The following UNC5C variants were observed in gnomAD, a reference collection of about 807,000 sequenced individuals.
UNC5C encodes the protein netrin receptor UNC5C.
In UNC5C, 47 loss-of-function variants were observed where a neutral mutation model predicts 99.8. That is an observed-to-expected ratio of 0.47 (90% CI 0.37 to 0.60). The LOEUF (loss-of-function observed/expected upper bound fraction) is 0.60, where lower values mean the gene tolerates loss of function less well. UNC5C is among the 20% of genes least tolerant of loss of function. The pLI is 0.00. For missense variants in UNC5C, 1,062 were observed against 1,165.9 expected (o/e 0.91, Z 1.30); for synonymous variants, 487 against 452.2 (o/e 1.08, Z -0.98).
intron 1 of UNC5C, among the ~76,000 whole-genome samples, chr4:95,419,168 A>C (rs1746251341): frequency 6.6e-6 from 1 of 152,200 alleles, no homozygotes; most frequent in Non-Finnish European, 1.5e-5. Flanking sequence ...GGAGATGGAG[A>C]AAGATTATCC....
At chr4:95,290,064 G>C (rs1741386798) in intron 3 of UNC5C, among the ~76,000 whole-genome samples, 1 of 152,082 alleles carries the variant, frequency 6.6e-6, no homozygotes, top group South Asian at 2.1e-4. Flanking sequence ...AGAACTTTGA[G>C]AGGCCAAGAT....
intron 9 of UNC5C, among the ~76,000 whole-genome samples, 171 bp from the exon 10 acceptor site, chr4:95,216,382 C>G (rs1560736782): frequency 6.6e-6 from 1 of 152,160 alleles, no homozygotes. Context: ...CCACGGCTCC[C>G]TCTGAACTCT....
chr4:95,208,514 A>G (rs185967095), intron 10 of UNC5C, among the ~76,000 whole-genome samples: 5 of 152,322 alleles, frequency 3.3e-5, no homozygotes, highest in Admixed American at 3.3e-4. Flanking sequence ...TTCATGCTCT[A>G]TCTTCCCTCC....
chr4:95,542,232 G>A (rs1722939080), intron 1 of UNC5C, among the ~76,000 whole-genome samples: 1 of 152,048 alleles, frequency 6.6e-6, no homozygotes, highest in Admixed American at 6.6e-5. Context: ...TCTATATAAT[G>A]AAGTTTCACC....
chr4:95,370,553 A>T (rs1744713108), intron 1 of UNC5C, among the ~76,000 whole-genome samples: 1 of 152,136 alleles, frequency 6.6e-6, no homozygotes, highest in South Asian at 2.1e-4. Context: ...AATTGGGTAC[A>T]CTCATGAAAA....
chr4:95,503,579 A>T (rs1354289121), intron 1 of UNC5C, among the ~76,000 whole-genome samples: 8 of 152,140 alleles, frequency 5.3e-5, no homozygotes, highest in Middle Eastern at 3.2e-3. Context: ...TTCTAATATC[A>T]TCTGGCTGCC....
chr4:95,467,521 T>C (rs1747823435), intron 1 of UNC5C, among the ~76,000 whole-genome samples: 1 of 152,192 alleles, frequency 6.6e-6, no homozygotes, highest in South Asian at 2.1e-4. Context: ...GTGGCAACAT[T>C]TTCTGTAGTT....
intron 1 of UNC5C, among the ~76,000 whole-genome samples, chr4:95,373,135 G>A (rs933404007): frequency 6.6e-6 from 1 of 152,066 alleles, no homozygotes; most frequent in African/African-American, 2.4e-5. Flanking sequence ...CTCCTTGCAG[G>A]TTTCCTTGTT....
intron 1 of UNC5C, among the ~76,000 whole-genome samples, chr4:95,494,090 C>T (rs1721573053): frequency 6.6e-6 from 1 of 151,228 alleles, no homozygotes; most frequent in African/African-American, 2.4e-5. Context: ...AAAAATGTTC[C>T]CCAGGTTGAA....
intron 4 of UNC5C, among the ~76,000 whole-genome samples, chr4:95,275,246 C>T (rs1258180849): frequency 6.6e-6 from 1 of 152,140 alleles, no homozygotes; most frequent in East Asian, 1.9e-4. Context: ...AGCTTCCCCT[C>T]TGCATACCCC....
chr4:95,359,559 C>T (rs1203882889), intron 1 of UNC5C, among the ~76,000 whole-genome samples: 1 of 150,992 alleles, frequency 6.6e-6, no homozygotes, highest in Non-Finnish European at 1.5e-5. Flanking sequence ...ATTACCTTCT[C>T]ATTTTTCAGC....
chr4:95,249,199 T>C (rs1051668065), intron 5 of UNC5C, among the ~76,000 whole-genome samples: 1 of 152,148 alleles, frequency 6.6e-6, no homozygotes, highest in African/African-American at 2.4e-5. Flanking sequence ...GTGAATACAC[T>C]CTATGATGTT....
intron 1 of UNC5C, among the ~76,000 whole-genome samples, chr4:95,504,311 A>T (rs1442867339): frequency 6.6e-6 from 1 of 152,158 alleles, no homozygotes; most frequent in Non-Finnish European, 1.5e-5. Context: ...CCCACCGCTC[A>T]GTTCTAAATA....
chr4:95,400,557 T>TA (rs1446924447), intron 1 of UNC5C, among the ~76,000 whole-genome samples: 6 of 151,950 alleles, frequency 3.9e-5, no homozygotes, highest in African/African-American at 1.5e-4. Flanking sequence ...CACGCCCAGC[T>TA]AATTTTTGTA....
intron 7 of UNC5C, among the ~76,000 whole-genome samples, chr4:95,230,616 T>C (rs904231025): frequency 5.9e-5 from 9 of 152,144 alleles, no homozygotes; most frequent in Non-Finnish European, 1.2e-4. Context: ...AGTTAATTTT[T>C]GTATAAGGTG....
intron 10 of UNC5C, 125 bp from the exon 11 acceptor site, chr4:95,206,921 TG>T: frequency 5.7e-6 from 4 of 703,768 alleles, no homozygotes; most frequent in Non-Finnish European, 8.5e-6. Flanking sequence ...TTTTTTTTTC[TG>T]GGGGGTTGGG....
Position 95,222,849 on chromosome 4 carries a change from T to C in UNC5C, c.1109-2673A>G, listed in dbSNP as rs140783125. 1.3e-3 allele frequency among the ~76,000 whole-genome samples: 195 copies of C among 152,192 alleles called. 2 individuals carry two copies. In the Middle Eastern group the frequency reaches 0.014, roughly 11 times the overall value. ...TCTTGCCCCCTTCATTTAATAGGAG[T>C]TCGATAGGTTTTGCCTAGGGACTGA... is the stretch of plus-strand genomic sequence containing the variant. On this transcript the variant is annotated intron_variant, in intron 7 of 15. Transcript: ENST00000453304.
chr4:95,328,064 T>TTTTTTTTTTTTTTTTTTTTTTTAA (rs1742965976), intron 2 of UNC5C, among the ~76,000 whole-genome samples: 1 of 36,646 alleles, frequency 2.7e-5, no homozygotes, highest in Non-Finnish European at 5.4e-5. Context: ...TTTTTTTAAT[T>TTTTTTTTTTTTTTTTTTTTTTTAA]TTTTTTTTTT....
At chr4:95,374,510 G>T (rs1744836960) in intron 1 of UNC5C, among the ~76,000 whole-genome samples, 1 of 151,992 alleles carries the variant, frequency 6.6e-6, no homozygotes, top group Admixed American at 6.6e-5. Flanking sequence ...CCTCCCCTCA[G>T]AATCAGGGAT....
Sources: gnomAD v4.1 joint callset for allele counts (sites outside exome capture counted in the v4.1 genomes callset) on GRCh38, gnomAD v4.1.1 for gene constraint, MANE v1.5 for transcripts, NCBI Gene and HGNC (gene_info 2026-07-23, HGNC 2026-07-21) for gene names.